CAB39: variants seen among roughly 807,000 people sequenced by gnomAD.
CAB39 encodes calcium binding protein 39.
A neutral mutation model predicts 40.0 loss-of-function variants in CAB39; 8 were observed. That is an observed-to-expected ratio of 0.20 (90% CI 0.12 to 0.36). The LOEUF (loss-of-function observed/expected upper bound fraction) is 0.36. Among genes scored for constraint, CAB39 ranks in the 10% least tolerant of loss-of-function variants. The pLI is 1.00. For missense variants in CAB39, 270 were observed against 401.1 expected, an observed-to-expected ratio of 0.67 and a Z score of 2.79; for synonymous variants, 156 against 141.6, an observed-to-expected ratio of 1.10 and a Z score of -0.72.
chr2:230,787,975 G>A (rs1166117166), intron 2 of CAB39, among the ~76,000 whole-genome samples: 5 of 152,118 alleles, frequency 3.3e-5, no homozygotes, highest in African/African-American at 1.2e-4. Flanking sequence ...CTGCATTACT[G>A]GACACTGGAA....
intron 2 of CAB39, among the ~76,000 whole-genome samples, chr2:230,773,243 C>T (rs1388999391): frequency 4.7e-5 from 7 of 148,134 alleles, no homozygotes; most frequent in Non-Finnish European, 7.4e-5. Flanking sequence ...TTGGTGGTTA[C>T]GGTTTTGGTG....
At chr2:230,720,877 A>G (rs1044426655) in intron 1 of CAB39, among the ~76,000 whole-genome samples, 1 of 152,182 alleles carries the variant, frequency 6.6e-6, no homozygotes, top group African/African-American at 2.4e-5. Flanking sequence ...GGCCGTTAAC[A>G]TGACCCATGT....
intron 2 of CAB39, chr2:230,779,584 T>A (rs569423728): frequency 2.0e-5 from 3 of 152,324 alleles, no homozygotes; most frequent in African/African-American, 7.2e-5. Flanking sequence ...AACTGGTACA[T>A]AGAAATGTAG....
At position 230,798,881 on chromosome 2, in the gene CAB39, C is replaced by G. The variant is rs570675702; in HGVS notation, c.551C>G (p.Ala184Gly). The G allele has an allele frequency of 3.8e-6, 6 of 1,589,566 alleles. No homozygotes were observed. The East Asian group carries it at 9.1e-5, about 24-fold the overall frequency. The change falls in exon 5 of 9, where the codon GCA becomes GGA. Residue 184 changes from alanine (A) to glycine (G), a missense_variant. Coordinates refer to ENST00000258418, the MANE Select transcript of CAB39 (RefSeq NM_016289.4). ...EMSTFDIASD[A>G]FATFKDLLTR... ...TCAACATTTGACATAGCTTCAGATG[C>G]ATTTGCCACATTCAAGGTAACAAAA...
At chr2:230,778,109 C>A (rs535247506) in intron 2 of CAB39, among the ~76,000 whole-genome samples, 1 of 152,258 alleles carries the variant, frequency 6.6e-6, no homozygotes, top group Non-Finnish European at 1.5e-5. Context: ...CTGACTTAGC[C>A]ATTTGTATAC....
At chr2:230,793,913 T>C (rs1695933690) in intron 4 of CAB39, among the ~76,000 whole-genome samples, 1 of 152,198 alleles carries the variant, frequency 6.6e-6, no homozygotes, top group Non-Finnish European at 1.5e-5. Context: ...GTTTGGGTAG[T>C]CTTGTCAGTT....
intron 1 of CAB39, among the ~76,000 whole-genome samples, chr2:230,745,777 C>T (rs888997992): frequency 3.7e-4 from 56 of 152,134 alleles, no homozygotes; most frequent in African/African-American, 1.3e-3. Context: ...CAGGCACATA[C>T]CACCACGCCC....
Position 230,818,897 on chromosome 2 carries a change from G to T in CAB39, c.*193G>T. ...CTGCTGCTTGCACACTAGGGCACATGTGGGCTTTCTCTTGATCTTTGTGTC... is the reference window on the plus strand; with the variant it reads ...CTGCTGCTTGCACACTAGGGCACATTTGGGCTTTCTCTTGATCTTTGTGTC... On this transcript the variant is annotated 3_prime_UTR_variant, in exon 9 of 9. Transcript: ENST00000258418. The T allele has an allele frequency of 1.9e-6, 1 of 521,800 alleles. No individual in the cohort carries two copies. The highest frequency in any genetic ancestry group is 1.9e-5 in the African/African-American group (1 of 51,902). 32.3% of individuals were successfully genotyped at this position (521,800 alleles called of 1,614,324 possible). A position where few individuals can be genotyped will look rare whatever the true frequency, so the allele number is the denominator to read the frequency against.
At chr2:230,788,560 A>C (rs373096027) in intron 2 of CAB39, among the ~76,000 whole-genome samples, 1 of 152,114 alleles carries the variant, frequency 6.6e-6, no homozygotes. Flanking sequence ...AGCCAGTAGG[A>C]CTTCCTTAAA....
intron 2 of CAB39, among the ~76,000 whole-genome samples, chr2:230,776,972 C>T (rs1227917908): frequency 6.6e-6 from 1 of 152,168 alleles, no homozygotes; most frequent in Non-Finnish European, 1.5e-5. Flanking sequence ...CAGGCTTGAG[C>T]CACCGCACCT....
chr2:230,796,556 G>T (rs1318215811), intron 4 of CAB39, among the ~76,000 whole-genome samples: 2 of 152,060 alleles, frequency 1.3e-5, no homozygotes, highest in South Asian at 4.1e-4. Context: ...AAGATGAATT[G>T]TATGATCAGC....
At chr2:230,743,573 A>G (rs771843089) in intron 1 of CAB39, among the ~76,000 whole-genome samples, 3 of 152,244 alleles carry the variant, frequency 2.0e-5, no homozygotes, top group Non-Finnish European at 4.4e-5. Context: ...AAATTTAAAC[A>G]TAAGGATGTA....
intron 2 of CAB39, among the ~76,000 whole-genome samples, chr2:230,770,831 C>T (rs1695469645): frequency 6.6e-6 from 1 of 152,016 alleles, no homozygotes; most frequent in African/African-American, 2.4e-5. Flanking sequence ...AAAAAACCAG[C>T]ATCTATTCCT....
intron 4 of CAB39, among the ~76,000 whole-genome samples, chr2:230,794,894 C>T (rs1415020272): frequency 2.6e-5 from 4 of 152,192 alleles, no homozygotes; most frequent in Non-Finnish European, 5.9e-5. Context: ...AACACAGTTA[C>T]GTTACCATTT....
intron 1 of CAB39, among the ~76,000 whole-genome samples, chr2:230,734,194 T>C (rs965541597): frequency 1.3e-5 from 2 of 152,172 alleles, no homozygotes; most frequent in African/African-American, 4.8e-5. Context: ...AAGGAAGAGG[T>C]GCATCTGGGT....
At chr2:230,750,987 A>T (rs1443415660) in intron 1 of CAB39, among the ~76,000 whole-genome samples, 1 of 152,218 alleles carries the variant, frequency 6.6e-6, no homozygotes, top group African/African-American at 2.4e-5. Context: ...TACCAGACAG[A>T]TAGTCTAGCA....
intron 2 of CAB39, among the ~76,000 whole-genome samples, chr2:230,761,024 C>T (rs1695280633): frequency 6.6e-6 from 1 of 151,440 alleles, no homozygotes; most frequent in Admixed American, 6.6e-5. Context: ...GTCACTTATC[C>T]AAAATGCTTG....
intron 2 of CAB39, among the ~76,000 whole-genome samples, chr2:230,783,263 T>C (rs1429922633): frequency 6.6e-6 from 1 of 152,202 alleles, no homozygotes; most frequent in African/African-American, 2.4e-5. Context: ...TTAAGTGAAA[T>C]GGCCAGCATT....
chr2:230,777,839 T>G (rs754208535), intron 2 of CAB39, among the ~76,000 whole-genome samples: 6 of 152,216 alleles, frequency 3.9e-5, no homozygotes, highest in Non-Finnish European at 7.4e-5. Context: ...CTTACCTTTG[T>G]GTACTTGTCT....
Sources: allele counts gnomAD v4.1 joint callset (sites outside exome capture counted in the v4.1 genomes callset), GRCh38; gene constraint gnomAD v4.1.1; transcripts MANE v1.5; gene names NCBI Gene and HGNC (gene_info 2026-07-23, HGNC 2026-07-21).